DYNLT2: variants seen among roughly 807,000 people sequenced by gnomAD.
DYNLT2 encodes dynein light chain Tctex-type 2, also known as dynein light chain Tctex-type protein 2.
In DYNLT2, 24 loss-of-function variants were observed where a neutral mutation model predicts 24.3. The observed-to-expected ratio is 0.99, with a 90% CI of 0.71 to 1.39. DYNLT2 has a LOEUF of 1.39. Among genes scored for constraint, DYNLT2 ranks in the 40% most tolerant of loss-of-function variants. DYNLT2 has a pLI of 0.00. For missense variants in DYNLT2, 246 were observed against 234.5 expected, an observed-to-expected ratio of 1.05 and a Z score of -0.32; for synonymous variants, 85 against 85.4, an observed-to-expected ratio of 1.00 and a Z score of 0.03.
At chr6:169,726,114 T>A in the DYNLT2 span, among the ~76,000 whole-genome samples, 1 of 152,258 alleles carries the variant, frequency 6.6e-6, no homozygotes, top group Non-Finnish European at 1.5e-5. Flanking sequence ...TTATTTAGGT[T>A]GACAAGATCA....
At position 169,744,291 on chromosome 6, in the gene DYNLT2, G is replaced by C. The variant is rs1399202668; in HGVS notation, c.121-17C>G. The C allele has an allele frequency of 1.2e-6, 2 of 1,600,610 alleles. No homozygotes were observed. The highest frequency in any genetic ancestry group is 1.7e-6 in the Non-Finnish European group (2 of 1,170,126). The stretch of plus-strand genomic sequence containing the variant: ...CTGTGTATACTGGAGGAGAAAGAGA[G>C]AGGGGAAGAGAGAAAGGCAGAAAGA... On this transcript the variant is annotated splice_polypyrimidine_tract_variant and intron_variant, in intron 1 of 3. Coordinates refer to ENST00000366774, the MANE Select transcript of DYNLT2 (RefSeq NM_174910.3).
Position 169,748,560 on chromosome 6 carries a change from A to G in DYNLT2, c.120+2779T>C, listed in dbSNP as rs148890295. 7.4e-3 allele frequency among the ~76,000 whole-genome samples: 1,125 copies of G among 152,302 alleles called. 14 individuals are homozygous for G. Among genetic ancestry groups the G allele is most frequent in the African/African-American group, 0.025 (1,037 of 41,560 alleles). Reference sequence around the variant, plus strand: ...CATAAATAAATCTCTTCTTGTGATCATCTGTCAGGCTTCTGTGTCTCTTAA... The same window carrying G: ...CATAAATAAATCTCTTCTTGTGATCGTCTGTCAGGCTTCTGTGTCTCTTAA... On this transcript the variant is annotated intron_variant, in intron 1 of 3. Coordinates refer to ENST00000366774, the MANE Select transcript of DYNLT2 (RefSeq NM_174910.3).
the DYNLT2 span, among the ~76,000 whole-genome samples, chr6:169,727,130 G>T: frequency 6.6e-6 from 1 of 152,190 alleles, no homozygotes; most frequent in African/African-American, 2.4e-5. Flanking sequence ...TCAACCTGGA[G>T]GTAATTAACT....
intron 1 of DYNLT2, chr6:169,751,082 C>G: frequency 4.8e-6 from 2 of 415,900 alleles, no homozygotes; most frequent in Non-Finnish European, 8.5e-6. Flanking sequence ...GATCTTGTAA[C>G]CACCCTTCCA....
chr6:169,731,941 G>C, the DYNLT2 span, among the ~76,000 whole-genome samples: 1 of 152,124 alleles, frequency 6.6e-6, no homozygotes, highest in Non-Finnish European at 1.5e-5. Context: ...TAGGAAAAAG[G>C]TATAATTCTC....
At chr6:169,726,926 A>G in the DYNLT2 span, among the ~76,000 whole-genome samples, 4 of 152,214 alleles carry the variant, frequency 2.6e-5, no homozygotes, top group Admixed American at 1.3e-4. Flanking sequence ...TTATGCAGAT[A>G]TACGTGAAAA....
At chr6:169,726,126 A>G in the DYNLT2 span, among the ~76,000 whole-genome samples, 1 of 152,264 alleles carries the variant, frequency 6.6e-6, no homozygotes, top group African/African-American at 2.4e-5. Flanking sequence ...ACAAGATCAA[A>G]TGCAAATTTA....
intron 3 of DYNLT2, among the ~76,000 whole-genome samples, chr6:169,741,859 G>A (rs1407257696): frequency 2.6e-5 from 4 of 151,922 alleles, no homozygotes; most frequent in Non-Finnish European, 5.9e-5. Context: ...CATCTACAAC[G>A]TCCCTATTTC....
At chr6:169,730,765 G>A in the DYNLT2 span, among the ~76,000 whole-genome samples, 1 of 152,194 alleles carries the variant, frequency 6.6e-6, no homozygotes, top group African/African-American at 2.4e-5. Flanking sequence ...GGGCATGGTG[G>A]CAGGCGCCTG....
At chr6:169,750,412 C>G (rs925681475) in intron 1 of DYNLT2, 1 of 152,184 alleles carries the variant, frequency 6.6e-6, no homozygotes. Flanking sequence ...TTATTTAGTT[C>G]GTTCTTTCCT....
rs756252639 is a variant in DYNLT2, at chr6:169,743,128, C to T, written c.438G>A (p.Lys146=). The T allele has an allele frequency of 1.9e-6, 3 of 1,582,172 alleles. No homozygotes were observed. Among genetic ancestry groups the T allele is most frequent in the South Asian group, 2.3e-5 (2 of 86,266 alleles). The change falls in exon 3 of 4, where the codon AAG becomes AAA. Residue 146 remains lysine (K), a synonymous_variant. Coordinates refer to ENST00000366774, the MANE Select transcript of DYNLT2 (RefSeq NM_174910.3). ...AVKEFGYHRY[K]FIIKVLFIQK... ...GAATAAATAATACTTTTATAATGAACTTATAACGGTGGTACCCAAATTCTT... is the reference window on the plus strand; with the variant it reads ...GAATAAATAATACTTTTATAATGAATTTATAACGGTGGTACCCAAATTCTT...
At chr6:169,750,955 C>T (rs1343798363) in intron 1 of DYNLT2, 1 of 161,522 alleles carries the variant, frequency 6.2e-6, no homozygotes, top group East Asian at 1.8e-4. Flanking sequence ...ACTCATTTTT[C>T]GCTAGCAAAA....
intron 1 of DYNLT2, among the ~76,000 whole-genome samples, chr6:169,745,717 T>C (rs1008975349): frequency 6.6e-6 from 1 of 152,252 alleles, no homozygotes; most frequent in Non-Finnish European, 1.5e-5. Flanking sequence ...TAATACATGA[T>C]ACAGGTCTGT....
At chr6:169,730,418 G>A in the DYNLT2 span, among the ~76,000 whole-genome samples, 1 of 152,166 alleles carries the variant, frequency 6.6e-6, no homozygotes, top group African/African-American at 2.4e-5. Context: ...AAGGTCAAAG[G>A]GGTTACCTAC....
intron 2 of DYNLT2, 35 bp downstream of exon 2, chr6:169,744,033 T>C: frequency 1.9e-6 from 3 of 1,586,566 alleles, no homozygotes; most frequent in Non-Finnish European, 2.6e-6. Flanking sequence ...AGAACCCTCA[T>C]ACAATACTGC....
chr6:169,726,081 G>A, the DYNLT2 span, among the ~76,000 whole-genome samples: 2 of 152,076 alleles, frequency 1.3e-5, no homozygotes, highest in East Asian at 3.8e-4. Flanking sequence ...AAATAAATTT[G>A]TCATGTTTGG....
the DYNLT2 span, among the ~76,000 whole-genome samples, chr6:169,726,797 CATTT>C: frequency 6.6e-6 from 1 of 152,002 alleles, no homozygotes; most frequent in Non-Finnish European, 1.5e-5. Context: ...ATAAAAAAAC[CATTT>C]ATTCATTCAT....
chr6:169,744,165 G>T lies in DYNLT2; in HGVS notation c.230C>A (p.Ala77Asp), dbSNP rs1789741231. Reference sequence around the variant, plus strand: ...ATTAGCAAACTTTAATTTTGCCAGGGCACTCTTCCATTCTTTACCTATATC... The same window carrying T: ...ATTAGCAAACTTTAATTTTGCCAGGTCACTCTTCCATTCTTTACCTATATC... ...IADIGKEWKS[A>D]LAKLKFANSY... Residue 77 changes from alanine (A) to aspartate (D), a missense_variant, in exon 2 of 4, where the codon GCC becomes GAC. Physicochemically the swap from Ala to Asp is moderately radical, Grantham distance 126. Transcript: ENST00000366774. 2 of 1,613,284 alleles carry T rather than the reference G, an allele frequency of 1.2e-6. No individual in the cohort carries two copies. Among genetic ancestry groups the T allele is most frequent in the Non-Finnish European group, 1.7e-6 (2 of 1,179,888 alleles).
Position 169,751,514 on chromosome 6 carries a change from G to C in DYNLT2, c.-56C>G. The C allele has an allele frequency of 1.2e-6, 2 of 1,610,034 alleles. No individual in the cohort carries two copies. The highest frequency in any genetic ancestry group is 1.7e-6 in the Non-Finnish European group (2 of 1,178,530). On this transcript the variant is annotated 5_prime_UTR_variant, in exon 1 of 4. Transcript: ENST00000366774. ...TCCCCTTCACCGCCGGCGGTCAAAC[G>C]CCCTAGCCAGTCCCGCGAGGGCGGA...
Sources: gnomAD v4.1 joint callset for allele counts (sites outside exome capture counted in the v4.1 genomes callset) on GRCh38, gnomAD v4.1.1 for gene constraint, MANE v1.5 for transcripts, NCBI Gene and HGNC (gene_info 2026-07-23, HGNC 2026-07-21) for gene names.